CCDC171: variants seen among roughly 807,000 people sequenced by gnomAD.
The protein encoded by CCDC171 is coiled-coil domain-containing protein 171.
A neutral mutation model predicts 168.2 loss-of-function variants in CCDC171; 177 were observed. The observed-to-expected ratio is 1.05, with a 90% CI of 0.93 to 1.19. The LOEUF is 1.19. Ranked by LOEUF, CCDC171 falls within the 50% of genes most tolerant of loss-of-function variation. The pLI is 0.00. For missense variants in CCDC171, 1,991 were observed against 1,539.0 expected (o/e 1.29, Z -4.91); for synonymous variants, 687 against 540.8 (o/e 1.27, Z -3.75).
At chr9:15,743,170 T>A in intron 16 of CCDC171, among the ~76,000 whole-genome samples, 1 of 21,878 alleles carries the variant, frequency 4.6e-5, no homozygotes, top group African/African-American at 1.2e-4. Flanking sequence ...TTTTTTTTTT[T>A]TTTTTTTTTT....
chr9:15,776,751 A>G (rs556324845), intron 18 of CCDC171, among the ~76,000 whole-genome samples: 1 of 152,338 alleles, frequency 6.6e-6, no homozygotes, highest in African/African-American at 2.4e-5. Flanking sequence ...AGGATAAAAC[A>G]TTTTTAATTT....
At position 15,571,742 on chromosome 9, in the gene CCDC171, A is replaced by G. The variant is rs760565885; in HGVS notation, c.160A>G (p.Thr54Ala). 20 of 1,586,194 alleles carry G rather than the reference A, an allele frequency of 1.3e-5. No individual in the cohort carries two copies. The South Asian group carries it at 2.1e-4, about 17-fold the overall frequency. Residue 54 changes from threonine to alanine, a missense_variant, in exon 3 of 26, where the codon ACC becomes GCC. By Grantham distance (58) the Thr-to-Ala change is moderately conservative. Transcript: ENST00000380701. Reference protein sequence around the residue: ...WAKKEKLEITTKHNAELASYE... With the variant: ...WAKKEKLEITAKHNAELASYE... Reference sequence around the variant, plus strand: ...TAAAAAAGAAAAGTTAGAAATAACAACCAAACACAATGCAGAGGTACGATT... The same window carrying G: ...TAAAAAAGAAAAGTTAGAAATAACAGCCAAACACAATGCAGAGGTACGATT...
intron 23 of CCDC171, among the ~76,000 whole-genome samples, chr9:15,856,286 C>T (rs2061346158): frequency 6.6e-6 from 1 of 151,902 alleles, no homozygotes. Flanking sequence ...AGAACTTATC[C>T]ATCTGGCATA....
At chr9:15,647,204 G>A (rs1370713085) in intron 7 of CCDC171, among the ~76,000 whole-genome samples, 4 of 152,006 alleles carry the variant, frequency 2.6e-5, no homozygotes, top group South Asian at 4.2e-4. Context: ...TGAAACCAAC[G>A]AGAACAAAGA....
intron 6 of CCDC171, among the ~76,000 whole-genome samples, chr9:16,027,155 T>C (rs955353965): frequency 4.6e-5 from 7 of 152,246 alleles, no homozygotes; most frequent in Non-Finnish European, 8.8e-5. Flanking sequence ...TGAGCACAAA[T>C]GTTTAATTAA....
chr9:15,597,250 T>G (rs1344055549), intron 6 of CCDC171, among the ~76,000 whole-genome samples: 1 of 152,162 alleles, frequency 6.6e-6, no homozygotes, highest in Non-Finnish European at 1.5e-5. Flanking sequence ...GCTTCCAGTT[T>G]TTGCCCATTC....
At chr9:15,747,428 G>A (rs1303938717) in intron 18 of CCDC171, among the ~76,000 whole-genome samples, 1 of 152,184 alleles carries the variant, frequency 6.6e-6, no homozygotes, top group African/African-American at 2.4e-5. Context: ...CCTCAAGTGG[G>A]TCCCTGACCC....
At chr9:15,836,267 C>G (rs2060445205) in intron 21 of CCDC171, among the ~76,000 whole-genome samples, 1 of 152,188 alleles carries the variant, frequency 6.6e-6, no homozygotes, top group Admixed American at 6.6e-5. Flanking sequence ...CATGGGTCAG[C>G]TGTGTGCTTC....
chr9:15,973,221 A>G lies in CCDC171; in HGVS notation c.*1385A>G, dbSNP rs1372640219. On this transcript the variant is annotated 3_prime_UTR_variant, in exon 26 of 26. Coordinates refer to ENST00000380701, the MANE Select transcript of CCDC171 (RefSeq NM_173550.4). The stretch of plus-strand genomic sequence containing the variant: ...ATGTGAACTATAGCTTTTGACAAAG[A>G]GTCTTGATACATAATCTATTTTTTA... The G allele has an allele frequency of 6.6e-6, 1 of 152,182 alleles. No individual in the cohort carries two copies. The highest frequency in any genetic ancestry group is 1.5e-5 in the Non-Finnish European group (1 of 68,026). The allele number at this position is 152,182 out of a possible 1,614,324, so 9.4% of individuals were successfully genotyped here.
At chr9:15,927,558 A>T (rs1230025084) in intron 25 of CCDC171, among the ~76,000 whole-genome samples, 1 of 151,782 alleles carries the variant, frequency 6.6e-6, no homozygotes, top group Non-Finnish European at 1.5e-5. Context: ...ATAGGACTTT[A>T]TTTATGAGTA....
At chr9:15,938,458 A>G (rs1034430605) in intron 25 of CCDC171, among the ~76,000 whole-genome samples, 4 of 151,888 alleles carry the variant, frequency 2.6e-5, no homozygotes, top group Non-Finnish European at 5.9e-5. Flanking sequence ...TTTTCTTTTA[A>G]AAAATGACTG....
intron 16 of CCDC171, among the ~76,000 whole-genome samples, chr9:15,738,557 C>T (rs554727036): frequency 4.3e-4 from 65 of 152,094 alleles, no homozygotes; most frequent in African/African-American, 1.5e-3. Context: ...CATATGAAAG[C>T]GATGTTCCTT....
chr9:15,887,749 GTAT>G (rs1469973815), intron 24 of CCDC171: 1 of 151,804 alleles, frequency 6.6e-6, no homozygotes, highest in African/African-American at 2.4e-5. Flanking sequence ...TTTAGAAATA[GTAT>G]TATTATTTTT....
chr9:15,640,126 T>C (rs1409150803), intron 7 of CCDC171, among the ~76,000 whole-genome samples: 1 of 152,182 alleles, frequency 6.6e-6, no homozygotes, highest in African/African-American at 2.4e-5. Flanking sequence ...ACCTATTCAT[T>C]TGTTTTTAAT....
chr9:15,709,382 A>G (rs932558902), intron 11 of CCDC171, among the ~76,000 whole-genome samples: 4 of 152,158 alleles, frequency 2.6e-5, no homozygotes, highest in Admixed American at 2.0e-4. Flanking sequence ...GGAGGACAAA[A>G]TGTAGAAAAA....
chr9:15,644,127 A>AT (rs1385804228), intron 7 of CCDC171, among the ~76,000 whole-genome samples: 2 of 152,268 alleles, frequency 1.3e-5, no homozygotes, highest in Middle Eastern at 6.8e-3. Flanking sequence ...TCTATGTTTA[A>AT]TTTTTTGAGC....
At position 15,564,637 on chromosome 9, in the gene CCDC171, T is replaced by G. The variant is rs1412979211; in HGVS notation, c.41+508T>G. On this transcript the variant is annotated intron_variant, in intron 2 of 25. Coordinates refer to ENST00000380701, the MANE Select transcript of CCDC171 (RefSeq NM_173550.4). ...CTGTTGCTCATCTTTTTTGTACCAT[T>G]GATTTCTGCCTTTGGGCGTGGCGCC... 2.0e-5 allele frequency among the ~76,000 whole-genome samples: 3 copies of G among 152,258 alleles called. No individual in the cohort carries two copies. In the South Asian group the frequency reaches 6.2e-4, roughly 31 times the overall value.
At chr9:15,964,747 C>A (rs996202168) in intron 25 of CCDC171, among the ~76,000 whole-genome samples, 1 of 151,394 alleles carries the variant, frequency 6.6e-6, no homozygotes, top group Non-Finnish European at 1.5e-5. Context: ...TTTAAATGTT[C>A]TCGTGTAATT....
In CCDC171 at chr9:15,832,906, T is replaced by A. The variant is rs555624373; in HGVS notation, c.3268-13796T>A. 1.1e-4 allele frequency among the ~76,000 whole-genome samples: 16 copies of A among 147,098 alleles called. No homozygotes were observed. The East Asian group carries it at 2.8e-3, about 26-fold the overall frequency. On this transcript the variant is annotated intron_variant, in intron 21 of 25. Transcript: ENST00000380701. ...GCAAAAAGTAAGACATGAATACGCG[T>A]TAGCCTAGCTCTACACAGGGTCAGG...
Sources: allele counts gnomAD v4.1 joint callset (sites outside exome capture counted in the v4.1 genomes callset), GRCh38; gene constraint gnomAD v4.1.1; transcripts MANE v1.5; gene names NCBI Gene and HGNC (gene_info 2026-07-23, HGNC 2026-07-21).